The following EXOC4 variants were observed in gnomAD, a reference collection of about 807,000 sequenced individuals.
The protein encoded by EXOC4 is SEC8-like 1.
EXOC4 carries 71 observed loss-of-function variants against 107.2 expected under a neutral mutation model. The ratio of observed to expected loss-of-function variants is 0.66; its 90% CI spans 0.55 to 0.81. EXOC4 has a LOEUF of 0.81. Among genes scored for constraint, EXOC4 ranks in the 30% least tolerant of loss-of-function variants. EXOC4 has a pLI of 0.00. For missense variants in EXOC4, 1,108 were observed against 1,189.6 expected (o/e 0.93, Z 1.01); for synonymous variants, 456 against 441.2 (o/e 1.03, Z -0.42).
intron 7 of EXOC4, among the ~76,000 whole-genome samples, chr7:133,451,122 G>A (rs1376456456): frequency 1.3e-5 from 2 of 152,082 alleles, no homozygotes; most frequent in East Asian, 1.9e-4. Context: ...TTCAGTATAC[G>A]TGTTAACTCT....
intron 17 of EXOC4, among the ~76,000 whole-genome samples, chr7:134,032,821 A>C (rs377351372): frequency 1.3e-5 from 2 of 152,224 alleles, no homozygotes; most frequent in East Asian, 3.8e-4. Context: ...TAGGTAACAA[A>C]TAAGCAATAT....
At chr7:133,542,169 T>TGTG (rs112053491) in intron 9 of EXOC4, among the ~76,000 whole-genome samples, 2,206 of 147,152 alleles carry the variant, frequency 0.015, 27 homozygotes, top group Non-Finnish European at 0.023. Context: ...AAATTTTATC[T>TGTG]TGTGTGTGTG....
At chr7:133,294,294 G>C (rs1185880031) in intron 3 of EXOC4, among the ~76,000 whole-genome samples, 1 of 152,152 alleles carries the variant, frequency 6.6e-6, no homozygotes, top group Non-Finnish European at 1.5e-5. Context: ...AATGTGTGTA[G>C]AAGTCTGCAT....
At chr7:133,635,578 T>C (rs773706079) in intron 10 of EXOC4, among the ~76,000 whole-genome samples, 1 of 152,154 alleles carries the variant, frequency 6.6e-6, no homozygotes, top group Non-Finnish European at 1.5e-5. Flanking sequence ...ATAAGGTATA[T>C]TGGTAGGAGC....
chr7:133,729,594 A>G (rs1795284393), intron 10 of EXOC4, among the ~76,000 whole-genome samples: 1 of 152,084 alleles, frequency 6.6e-6, no homozygotes, highest in African/African-American at 2.4e-5. Context: ...GATTGAAATG[A>G]TATTATCTGG....
At chr7:133,878,580 T>C (rs1798898190) in intron 11 of EXOC4, among the ~76,000 whole-genome samples, 1 of 152,240 alleles carries the variant, frequency 6.6e-6, no homozygotes, top group African/African-American at 2.4e-5. Context: ...GCTCGACCCC[T>C]GGATGAGGCT....
chr7:133,961,032 A>C (rs1191614795), intron 14 of EXOC4, among the ~76,000 whole-genome samples: 1 of 152,140 alleles, frequency 6.6e-6, no homozygotes, highest in East Asian at 1.9e-4. Flanking sequence ...TTCTCGGCTC[A>C]CCTGAGAATA....
intron 11 of EXOC4, among the ~76,000 whole-genome samples, chr7:133,887,828 G>A (rs2116480780): frequency 6.6e-6 from 1 of 152,264 alleles, no homozygotes; most frequent in African/African-American, 2.4e-5. Flanking sequence ...AGGATATCCT[G>A]TGTTCTGAAT....
intron 15 of EXOC4, among the ~76,000 whole-genome samples, chr7:133,999,467 T>A (rs1208513444): frequency 6.6e-6 from 1 of 152,206 alleles, no homozygotes; most frequent in Non-Finnish European, 1.5e-5. Flanking sequence ...TTATTCCTGA[T>A]GTTATTTCTC....
rs1796634930 is a variant in EXOC4 at position 133,382,265 on chromosome 7, C to A, written c.1182+7263C>A. Among the ~76,000 whole-genome samples, 4 of 152,226 alleles carry A rather than the reference C, an allele frequency of 2.6e-5. No individual in the cohort carries two copies. In the East Asian group the frequency reaches 7.7e-4, roughly 29 times the overall value. ...AGAAGGGAGAAGAAGATTTCTAAAC[C>A]TTTTCAGAGTCTTTTAGAAAATCTG... On this transcript the variant is annotated intron_variant, in intron 7 of 17. Transcript: ENST00000253861.
intron 10 of EXOC4, among the ~76,000 whole-genome samples, chr7:133,635,340 G>A (rs1802683259): frequency 6.6e-6 from 1 of 152,052 alleles, no homozygotes; most frequent in South Asian, 2.1e-4. Flanking sequence ...GTGGGGAGAA[G>A]GAGTGAGAAT....
At chr7:133,422,543 A>C (rs1350113364) in intron 7 of EXOC4, among the ~76,000 whole-genome samples, 2 of 152,182 alleles carry the variant, frequency 1.3e-5, no homozygotes, top group Non-Finnish European at 2.9e-5. Context: ...TCAGTGCTTA[A>C]ATTAGATGGG....
intron 7 of EXOC4, among the ~76,000 whole-genome samples, chr7:133,418,216 C>G (rs181942738): frequency 5.9e-5 from 9 of 152,294 alleles, no homozygotes; most frequent in Non-Finnish European, 8.8e-5. Flanking sequence ...ATCCCAGACT[C>G]GACACTTTTT....
intron 10 of EXOC4, among the ~76,000 whole-genome samples, chr7:133,650,090 T>A (rs1391724337): frequency 6.6e-6 from 1 of 151,992 alleles, no homozygotes; most frequent in African/African-American, 2.4e-5. Context: ...TTGGAATACA[T>A]TCTTTTGTTT....
At chr7:133,622,105 C>T (rs1246054274) in intron 9 of EXOC4, among the ~76,000 whole-genome samples, 1 of 152,008 alleles carries the variant, frequency 6.6e-6, no homozygotes, top group Non-Finnish European at 1.5e-5. Context: ...CTCCCAAGTA[C>T]CTGGAACTAC....
At chr7:134,036,597 AAAAG>A (rs1795396246) in intron 17 of EXOC4, among the ~76,000 whole-genome samples, 1 of 152,206 alleles carries the variant, frequency 6.6e-6, no homozygotes, top group African/African-American at 2.4e-5. Flanking sequence ...CAAAAGAAAA[AAAAG>A]AGAGAGAATT....
chr7:133,565,027 G>A (rs1321561814), intron 9 of EXOC4, among the ~76,000 whole-genome samples: 3 of 152,150 alleles, frequency 2.0e-5, no homozygotes, highest in African/African-American at 4.8e-5. Flanking sequence ...GGTGAATAGT[G>A]GTGTTGGGAT....
chr7:133,941,821 TTCTCTCTCTC>T lies in EXOC4; in HGVS notation c.2206+3773_2206+3782del, dbSNP rs67720946. On this transcript the variant is annotated intron_variant, in intron 14 of 17. Coordinates refer to ENST00000253861, the MANE Select transcript of EXOC4 (RefSeq NM_021807.4). Reference sequence around the variant, plus strand: ...GTCAGGTCCCAGGCATGCTTACAGATTCTCTCTCTCTCTCTCTCTCTCTCTCTCTCGGATC... The same window carrying T: ...GTCAGGTCCCAGGCATGCTTACAGATTCTCTCTCTCTCTCTCTCTCGGATC... 7.6e-4 allele frequency among the ~76,000 whole-genome samples: 98 copies of T among 129,622 alleles called. 2 individuals carry two copies. The East Asian group carries it at 0.017, about 23-fold the overall frequency. The allele number at this position is 129,622 out of a possible 152,430, so 85.0% of individuals were successfully genotyped here. A position where few individuals can be genotyped will look rare whatever the true frequency, so the allele number is the denominator to read the frequency against.
intron 7 of EXOC4, among the ~76,000 whole-genome samples, chr7:133,455,812 G>T (rs902044132): frequency 6.6e-6 from 1 of 152,192 alleles, no homozygotes; most frequent in Non-Finnish European, 1.5e-5. Context: ...TATCTGTAGT[G>T]CTAGTGATGT....
Sources: allele counts gnomAD v4.1 joint callset (sites outside exome capture counted in the v4.1 genomes callset), GRCh38; gene constraint gnomAD v4.1.1; transcripts MANE v1.5; gene names NCBI Gene and HGNC (gene_info 2026-07-23, HGNC 2026-07-21).